The following UNC13C variants were observed in gnomAD, a reference collection of about 807,000 sequenced individuals.
UNC13C encodes protein unc-13 homolog C.
In UNC13C, 174 loss-of-function variants were observed where a neutral mutation model predicts 245.4. That is an observed-to-expected ratio of 0.71 (90% CI 0.63 to 0.80). The LOEUF (loss-of-function observed/expected upper bound fraction) is 0.80. UNC13C is among the 30% of genes least tolerant of loss of function. UNC13C has a pLI of 0.00. For missense variants in UNC13C, 2,829 were observed against 2,602.9 expected, an observed-to-expected ratio of 1.09 and a Z score of -1.89; for synonymous variants, 992 against 895.1, an observed-to-expected ratio of 1.11 and a Z score of -1.93.
At chr15:54,327,323 A>G (rs896269514) in intron 14 of UNC13C, among the ~76,000 whole-genome samples, 1 of 151,984 alleles carries the variant, frequency 6.6e-6, no homozygotes, top group African/African-American at 2.4e-5. Context: ...TTTTCTTTCT[A>G]CACATTTTTG....
chr15:54,585,103 A>G (rs1898417711), intron 30 of UNC13C, among the ~76,000 whole-genome samples: 1 of 152,188 alleles, frequency 6.6e-6, no homozygotes. Flanking sequence ...ATTTGTGTGG[A>G]TGCAGTAGTA....
intron 28 of UNC13C, among the ~76,000 whole-genome samples, chr15:54,552,056 G>C (rs1318968189): frequency 6.6e-6 from 1 of 150,724 alleles, no homozygotes; most frequent in Non-Finnish European, 1.5e-5. Context: ...CTATTTAGGA[G>C]TATTGATAGA....
chr15:54,443,094 C>T (rs1019691669), intron 19 of UNC13C, among the ~76,000 whole-genome samples: 3 of 152,018 alleles, frequency 2.0e-5, no homozygotes, highest in East Asian at 1.9e-4. Flanking sequence ...TCTCATTGCT[C>T]ACTGTTGATC....
chr15:54,519,682 G>A (rs1212547554), intron 24 of UNC13C, among the ~76,000 whole-genome samples: 1 of 152,134 alleles, frequency 6.6e-6, no homozygotes, highest in Admixed American at 6.5e-5. Context: ...CTCCTTAAGA[G>A]GCATTTTAAA....
chr15:54,001,822 C>T (rs1207714730), intron 1 of UNC13C, among the ~76,000 whole-genome samples: 1 of 152,220 alleles, frequency 6.6e-6, no homozygotes, highest in African/African-American at 2.4e-5. Flanking sequence ...GCCAATCTGA[C>T]TTAAGTCTTT....
intron 30 of UNC13C, among the ~76,000 whole-genome samples, chr15:54,608,893 G>A (rs1467247817): frequency 6.6e-6 from 1 of 152,174 alleles, no homozygotes; most frequent in Admixed American, 6.5e-5. Flanking sequence ...TAAAAGATCA[G>A]AGCAGTACAT....
intron 10 of UNC13C, among the ~76,000 whole-genome samples, chr15:54,289,322 C>T (rs1005635043): frequency 2.0e-5 from 3 of 151,994 alleles, no homozygotes; most frequent in African/African-American, 7.2e-5. Flanking sequence ...AATTTTATTT[C>T]CCACCATTCC....
At chr15:54,176,541 A>T (rs952895893) in intron 4 of UNC13C, among the ~76,000 whole-genome samples, 28 of 152,136 alleles carry the variant, frequency 1.8e-4, no homozygotes, top group African/African-American at 6.3e-4. Context: ...AATGAAGTAG[A>T]AACAATGTTG....
chr15:54,357,917 C>G (rs1049780636), intron 17 of UNC13C, among the ~76,000 whole-genome samples: 2 of 151,946 alleles, frequency 1.3e-5, no homozygotes, highest in Non-Finnish European at 2.9e-5. Context: ...ATACATTAAT[C>G]TTTATTATTA....
intron 4 of UNC13C, among the ~76,000 whole-genome samples, chr15:54,150,376 A>G (rs545688692): frequency 6.6e-6 from 1 of 152,368 alleles, no homozygotes; most frequent in Admixed American, 6.5e-5. Context: ...TTCAGGGAGT[A>G]CGCCTAATCA....
intron 10 of UNC13C, among the ~76,000 whole-genome samples, chr15:54,268,883 A>AGG (rs1234555701): frequency 6.6e-6 from 1 of 151,902 alleles, no homozygotes; most frequent in Admixed American, 6.6e-5. Flanking sequence ...TCATTTCTCA[A>AGG]GGGGACCCCT....
chr15:54,027,220 G>T (rs2141012368), intron 2 of UNC13C, among the ~76,000 whole-genome samples: 1 of 151,392 alleles, frequency 6.6e-6, no homozygotes, highest in Admixed American at 6.6e-5. Context: ...AGAGAAATCT[G>T]GTGCAATAAT....
At chr15:53,944,252 T>A in the UNC13C span, among the ~76,000 whole-genome samples, 1 of 152,148 alleles carries the variant, frequency 6.6e-6, no homozygotes, top group Non-Finnish European at 1.5e-5. Flanking sequence ...GGCTCTTTTT[T>A]TATTTTAAAC....
rs533154169 is a variant in UNC13C, at chr15:54,060,723, G to A, written c.2983+44837G>A. Among the ~76,000 whole-genome samples the A allele has an allele frequency of 1.4e-4, 21 of 152,184 alleles. No homozygotes were observed. In the East Asian group the frequency reaches 3.5e-3, roughly 25 times the overall value. ...GCAAAGACTTGGAACCAACCCAAAT[G>A]TCCAACAGTGATAGACTGGATTAAG... On this transcript the variant is annotated intron_variant, in intron 2 of 32. Transcript: ENST00000260323.
At chr15:53,868,005 A>AT in the UNC13C span, among the ~76,000 whole-genome samples, 2 of 151,908 alleles carry the variant, frequency 1.3e-5, no homozygotes, top group Middle Eastern at 3.4e-3. Flanking sequence ...TAATTAAAAA[A>AT]ATATATATTT....
At chr15:54,286,572 C>T (rs977076460) in intron 10 of UNC13C, among the ~76,000 whole-genome samples, 1 of 152,156 alleles carries the variant, frequency 6.6e-6, no homozygotes, top group African/African-American at 2.4e-5. Flanking sequence ...CGATCCATCT[C>T]ATGATGGGTT....
chr15:54,450,649 A>G (rs1470082278), intron 19 of UNC13C, among the ~76,000 whole-genome samples: 1 of 152,092 alleles, frequency 6.6e-6, no homozygotes, highest in Non-Finnish European at 1.5e-5. Context: ...GAGTGACCCA[A>G]TTTTCCAGGT....
At chr15:54,358,374 T>C (rs1236746321) in intron 17 of UNC13C, among the ~76,000 whole-genome samples, 1 of 152,126 alleles carries the variant, frequency 6.6e-6, no homozygotes, top group Admixed American at 6.5e-5. Flanking sequence ...GGTATTTTCA[T>C]AGGGATAACA....
intron 4 of UNC13C, among the ~76,000 whole-genome samples, chr15:54,163,860 T>A (rs2033066221): frequency 6.6e-6 from 1 of 152,114 alleles, no homozygotes; most frequent in Admixed American, 6.5e-5. Context: ...TAGAAAAAAA[T>A]TTCTAGCTGA....
Sources: gnomAD v4.1 joint callset for allele counts (sites outside exome capture counted in the v4.1 genomes callset) on GRCh38, gnomAD v4.1.1 for gene constraint, MANE v1.5 for transcripts, NCBI Gene and HGNC (gene_info 2026-07-23, HGNC 2026-07-21) for gene names.